Variants in GRIK1 observed in about 807,000 individuals in gnomAD.
The protein encoded by GRIK1 is glutamate ionotropic receptor kainate type subunit 1, also known as glutamate receptor ionotropic, kainate 1.
In GRIK1, 69 loss-of-function variants were observed where a neutral mutation model predicts 105.7. The observed-to-expected ratio is 0.65, with a 90% CI of 0.54 to 0.80. The LOEUF is 0.80. Ranked by LOEUF, GRIK1 falls within the 30% of genes least tolerant of loss-of-function variation. The probability of loss-of-function intolerance (pLI) is 0.00; values close to 1 mark genes in which losing one functional copy is unlikely to be tolerated. For synonymous variants in GRIK1, 438 were observed against 431.3 expected (o/e 1.02, Z -0.19); for missense variants, 1,109 against 1,167.3 (o/e 0.95, Z 0.73).
chr21:29,643,025 A>G, intron 6 of GRIK1, 56 bp from the exon 7 acceptor site: 6 of 1,537,790 alleles, frequency 3.9e-6, no homozygotes, highest in Non-Finnish European at 5.4e-6. Context: ...ACCTTCCTTT[A>G]CTTGCATAAT....
intron 13 of GRIK1, among the ~76,000 whole-genome samples, chr21:29,578,979 ATTTGG>A (rs1377415789): frequency 3.3e-5 from 5 of 152,078 alleles, no homozygotes; most frequent in Non-Finnish European, 5.9e-5. Context: ...TTCTTTCATT[ATTTGG>A]TTGCATATGA....
intron 1 of GRIK1, among the ~76,000 whole-genome samples, chr21:29,757,916 T>C (rs2065392963): frequency 6.6e-6 from 1 of 152,262 alleles, no homozygotes; most frequent in Non-Finnish European, 1.5e-5. Flanking sequence ...TGCTGCTTTA[T>C]ATTCTTGAAA....
At chr21:29,596,193 A>G (rs1225081386) in intron 9 of GRIK1, 1 of 403,108 alleles carries the variant, frequency 2.5e-6, no homozygotes, top group East Asian at 5.8e-5. Flanking sequence ...GTGATTTGAG[A>G]AGGAATATAA....
chr21:29,557,057 A>G (rs573288946), intron 15 of GRIK1, among the ~76,000 whole-genome samples: 146 of 152,312 alleles, frequency 9.6e-4, no homozygotes, highest in Admixed American at 2.5e-3. Context: ...TTAATTATGT[A>G]AGGGTTGGAA....
chr21:29,818,376 G>A (rs996655724), intron 1 of GRIK1, among the ~76,000 whole-genome samples: 18 of 152,056 alleles, frequency 1.2e-4, no homozygotes, highest in Non-Finnish European at 1.8e-4. Context: ...CAGATTTTTA[G>A]TCTAACTCTT....
intron 16 of GRIK1, among the ~76,000 whole-genome samples, chr21:29,547,917 G>A (rs1021761223): frequency 6.6e-6 from 1 of 152,208 alleles, no homozygotes; most frequent in Non-Finnish European, 1.5e-5. Context: ...TACCAAGGTT[G>A]AGTGGGTTAT....
chr21:29,878,645 C>A, intron 1 of GRIK1, among the ~76,000 whole-genome samples: 1 of 152,052 alleles, frequency 6.6e-6, no homozygotes, highest in East Asian at 1.9e-4. Context: ...GTAATGAGGT[C>A]ATGAAGGTGA....
chr21:29,731,667 T>G (rs569436210), intron 1 of GRIK1, among the ~76,000 whole-genome samples: 6 of 152,324 alleles, frequency 3.9e-5, no homozygotes, highest in African/African-American at 1.4e-4. Flanking sequence ...CTATTGTTTC[T>G]GCTGTTAATT....
At chr21:29,684,594 G>A (rs766425974) in intron 3 of GRIK1, among the ~76,000 whole-genome samples, 15 of 151,850 alleles carry the variant, frequency 9.9e-5, no homozygotes, top group Non-Finnish European at 1.5e-4. Flanking sequence ...TGCAAGCTCC[G>A]CCTCCTGGGT....
At chr21:29,543,201 T>C (rs959365832) in intron 16 of GRIK1, among the ~76,000 whole-genome samples, 7 of 152,114 alleles carry the variant, frequency 4.6e-5, no homozygotes, top group African/African-American at 1.7e-4. Flanking sequence ...AAAACTTCAC[T>C]TCCTTAACAT....
intron 15 of GRIK1, among the ~76,000 whole-genome samples, chr21:29,556,577 G>A (rs534496631): frequency 3.9e-5 from 6 of 152,256 alleles, no homozygotes; most frequent in Admixed American, 2.6e-4. Flanking sequence ...TTCTGAGGGG[G>A]AGTAACTAGA....
intron 1 of GRIK1, among the ~76,000 whole-genome samples, chr21:29,824,402 A>G (rs1195769077): frequency 3.3e-5 from 5 of 152,022 alleles, no homozygotes; most frequent in African/African-American, 1.2e-4. Context: ...CATGAAGCTT[A>G]CATTTCACTA....
At chr21:29,789,600 G>A (rs4817311) in intron 1 of GRIK1, among the ~76,000 whole-genome samples, 16,753 of 152,132 alleles carry the variant, frequency 0.11, 1,060 homozygotes, top group African/African-American at 0.15. Context: ...CATACCTCAC[G>A]GAGTAAGCAT....
intron 16 of GRIK1, among the ~76,000 whole-genome samples, chr21:29,544,165 C>T (rs1371607182): frequency 6.6e-6 from 1 of 152,198 alleles, no homozygotes; most frequent in Non-Finnish European, 1.5e-5. Context: ...AGGGTTACTC[C>T]ATGACATCAG....
chr21:29,932,380 T>C (rs2071598747), intron 1 of GRIK1, among the ~76,000 whole-genome samples: 1 of 152,164 alleles, frequency 6.6e-6, no homozygotes, highest in Non-Finnish European at 1.5e-5. Flanking sequence ...TTTCATTATG[T>C]ACTTTAGAAG....
At chr21:29,795,228 G>T (rs780113671) in intron 1 of GRIK1, among the ~76,000 whole-genome samples, 13 of 151,744 alleles carry the variant, frequency 8.6e-5, no homozygotes, top group Non-Finnish European at 1.5e-4. Context: ...TAGAGATGGG[G>T]TTTCACCATG....
chr21:29,757,004 C>T (rs1024835059), intron 1 of GRIK1, among the ~76,000 whole-genome samples: 1 of 152,030 alleles, frequency 6.6e-6, no homozygotes, highest in African/African-American at 2.4e-5. Flanking sequence ...GTAATCCCAG[C>T]TACTTGGAAG....
At chr21:29,765,938 A>G (rs1023634330) in intron 1 of GRIK1, among the ~76,000 whole-genome samples, 3 of 147,660 alleles carry the variant, frequency 2.0e-5, no homozygotes, top group African/African-American at 5.0e-5. Context: ...TGCAAGTTCC[A>G]CCTCCCGGGT....
intron 16 of GRIK1, among the ~76,000 whole-genome samples, chr21:29,541,921 G>A (rs796113116): frequency 1.9e-4 from 29 of 152,096 alleles, no homozygotes; most frequent in African/African-American, 6.3e-4. Context: ...ATTAATAAAT[G>A]AACCTTTATA....
Sources: allele counts gnomAD v4.1 joint callset (sites outside exome capture counted in the v4.1 genomes callset), GRCh38; gene constraint gnomAD v4.1.1; transcripts MANE v1.5; gene names NCBI Gene and HGNC (gene_info 2026-07-23, HGNC 2026-07-21).